The following CFAP52 variants were observed in gnomAD, a reference collection of about 807,000 sequenced individuals.
CFAP52 encodes cilia and flagella associated protein 52.
A neutral mutation model predicts 70.5 loss-of-function variants in CFAP52; 57 were observed. The observed-to-expected ratio is 0.81, with a 90% CI of 0.65 to 1.01. CFAP52 has a LOEUF of 1.01. Ranked by LOEUF, CFAP52 falls within the 50% of genes least tolerant of loss-of-function variation. CFAP52 has a pLI of 0.00. For missense variants in CFAP52, 785 were observed against 788.5 expected, an observed-to-expected ratio of 1.00 and a Z score of 0.05; for synonymous variants, 267 against 292.5, an observed-to-expected ratio of 0.91 and a Z score of 0.89.
chr17:9,594,965 A>G (rs1338034060), intron 4 of CFAP52, among the ~76,000 whole-genome samples: 1 of 137,866 alleles, frequency 7.3e-6, no homozygotes, highest in Non-Finnish European at 1.5e-5. Context: ...ATCTCAGCTC[A>G]CTGCAACCTC....
At position 9,643,236 on chromosome 17, in the gene CFAP52, A is replaced by C. The variant is rs1911171344; in HGVS notation, c.*38A>C. ...GTCTCTGAGCCTTGGCGTTGCACGC[A>C]GTCCTGTTGAAGACTGAGTTTAGAT... On this transcript the variant is annotated 3_prime_UTR_variant, in exon 14 of 14. Transcript: ENST00000352665. The C allele has an allele frequency of 6.7e-7, 1 of 1,494,818 alleles. No individual in the cohort carries two copies. The highest frequency in any genetic ancestry group is 2.1e-5 in the Admixed American group (1 of 48,566). The allele number at this position is 1,494,818 out of a possible 1,614,324, so 92.6% of individuals were successfully genotyped here. A position where few individuals can be genotyped will look rare whatever the true frequency, so the allele number is the denominator to read the frequency against.
intron 3 of CFAP52, 97 bp from the exon 4 acceptor site, chr17:9,594,096 G>T: frequency 6.9e-7 from 1 of 1,454,760 alleles, no homozygotes; most frequent in Non-Finnish European, 9.1e-7. Context: ...AACCTGTTGT[G>T]TTTTTTTCTT....
Position 9,636,233 on chromosome 17 carries a change from AAG to A in CFAP52, c.1472+679_1472+680del, listed in dbSNP as rs1293305442. The stretch of plus-strand genomic sequence containing the variant: ...AAAGAAAGAAAGAAAGAAAGAAAGA[AAG>A]AAAGAAAGAAAGAAAGAGAAAGAAA... On this transcript the variant is annotated intron_variant, in intron 11 of 13. Coordinates refer to ENST00000352665, the MANE Select transcript of CFAP52 (RefSeq NM_145054.5). Among the ~76,000 whole-genome samples, 75 of 148,912 alleles carry A rather than the reference AAG, an allele frequency of 5.0e-4. 2 individuals carry two copies. The highest frequency in any genetic ancestry group is 1.9e-3 in the African/African-American group (75 of 39,556).
intron 9 of CFAP52, among the ~76,000 whole-genome samples, chr17:9,630,232 C>T (rs1299355320): frequency 6.6e-6 from 1 of 151,614 alleles, no homozygotes; most frequent in Non-Finnish European, 1.5e-5. Context: ...TACTTTCCCG[C>T]AGTCTGTTTT....
chr17:9,613,665 G>A lies in CFAP52; in HGVS notation c.1025+1186G>A, dbSNP rs547980437. On this transcript the variant is annotated intron_variant, in intron 8 of 13. Transcript: ENST00000352665. Reference sequence around the variant, plus strand: ...CCTGAGTAGCTAGGATTACAGGCATGCACCACCACGCCCGGCTAATTTTTT... The same window carrying A: ...CCTGAGTAGCTAGGATTACAGGCATACACCACCACGCCCGGCTAATTTTTT... Among the ~76,000 whole-genome samples, 98 of 152,040 alleles carry A rather than the reference G, an allele frequency of 6.4e-4. 1 individual carries two copies. In the South Asian group the frequency reaches 0.02, roughly 31 times the overall value.
chr17:9,635,785 T>C (rs575031645), intron 11 of CFAP52, among the ~76,000 whole-genome samples: 1 of 152,272 alleles, frequency 6.6e-6, no homozygotes, highest in South Asian at 2.1e-4. Context: ...TCTGGGCAGA[T>C]AGGGAAATAG....
rs1022649622 is a variant in CFAP52 at position 9,576,649 on chromosome 17, G to A, written c.-47G>A. 5 of 1,544,594 alleles carry A rather than the reference G, an allele frequency of 3.2e-6. No individual in the cohort carries two copies. Among genetic ancestry groups the A allele is most frequent in the South Asian group, 2.4e-5 (2 of 84,662 alleles). On this transcript the variant is annotated 5_prime_UTR_variant, in exon 1 of 14. Transcript: ENST00000352665. The stretch of plus-strand genomic sequence containing the variant: ...TCCGTTACCATAACGACCAGAAGAC[G>A]CTGCAGCCACTAGGGAGGAGAGCAA...
Position 9,635,567 on chromosome 17 carries a change from G to A in CFAP52, c.1472+11G>A. On this transcript the variant is annotated intron_variant, in intron 11 of 13. Transcript: ENST00000352665. ...CATTTGGGACCTTGTGTAGGTACCT[G>A]TGATGGGGAGGATGCAGTGATACCT... is the stretch of plus-strand genomic sequence containing the variant. 1 of 1,614,114 alleles carries A rather than the reference G, an allele frequency of 6.2e-7. No homozygotes were observed.
chr17:9,619,288 A>G (rs199938332), intron 8 of CFAP52, among the ~76,000 whole-genome samples: 13 of 522 alleles, frequency 0.025, no homozygotes, highest in Admixed American at 0.05. Flanking sequence ...ACACTCTCCC[A>G]AGACTAAACC....
intron 4 of CFAP52, 30 bp downstream of exon 4, chr17:9,594,351 C>T (rs759787464): frequency 2.5e-6 from 4 of 1,600,258 alleles, no homozygotes; most frequent in East Asian, 4.5e-5. Context: ...GTTTTCAGAA[C>T]TCATAAATTG....
At chr17:9,615,271 T>A (rs117742036) in intron 8 of CFAP52, among the ~76,000 whole-genome samples, 1 of 152,236 alleles carries the variant, frequency 6.6e-6, no homozygotes, top group Non-Finnish European at 1.5e-5. Flanking sequence ...TTGTGTAATA[T>A]TCTGTTAGGT....
At chr17:9,641,665 T>A (rs926125931) in intron 12 of CFAP52, 59 bp from the exon 13 acceptor site, 19 of 1,248,410 alleles carry the variant, frequency 1.5e-5, no homozygotes, top group Non-Finnish European at 2.1e-5. Context: ...TTTGTTAGCA[T>A]GTGCATGGAT....
intron 6 of CFAP52, among the ~76,000 whole-genome samples, chr17:9,606,082 C>G (rs1276355632): frequency 6.6e-6 from 1 of 151,982 alleles, no homozygotes; most frequent in South Asian, 2.1e-4. Flanking sequence ...AAAAAAATAG[C>G]CTAGTAAAAA....
At chr17:9,642,044 A>C (rs558114060) in intron 13 of CFAP52, among the ~76,000 whole-genome samples, 1 of 152,324 alleles carries the variant, frequency 6.6e-6, no homozygotes, top group African/African-American at 2.4e-5. Flanking sequence ...TTTGCACAAG[A>C]GCCTTAAGAG....
Position 9,643,287 on chromosome 17 carries a change from C to A in CFAP52, c.*89C>A. ...AACTCCAACACTAGTCTTCATTTCT[C>A]ACAGCTCTGTTTTTGTTCTTGAGTC... On this transcript the variant is annotated 3_prime_UTR_variant, in exon 14 of 14. Transcript: ENST00000352665. 1 of 1,189,056 alleles carries A rather than the reference C, an allele frequency of 8.4e-7. No homozygotes were observed. Among genetic ancestry groups the A allele is most frequent in the South Asian group, 3.1e-5 (1 of 32,234 alleles). The allele number at this position is 1,189,056 out of a possible 1,614,324, so 73.7% of individuals were successfully genotyped here. A position where few individuals can be genotyped will look rare whatever the true frequency, so the allele number is the denominator to read the frequency against.
At chr17:9,598,500 G>T (rs911089995) in intron 5 of CFAP52, 167 bp downstream of exon 5, 7 of 502,256 alleles carry the variant, frequency 1.4e-5, no homozygotes, top group Non-Finnish European at 2.4e-5. Context: ...AGTGGCTCAC[G>T]CCTGTAATCC....
rs193248334 is a variant in CFAP52 at position 9,587,459 on chromosome 17, T to C, written c.407+625T>C. Among the ~76,000 whole-genome samples the C allele has an allele frequency of 3.9e-5, 6 of 152,320 alleles. No homozygotes were observed. In the East Asian group the frequency reaches 1.2e-3, roughly 29 times the overall value. ...GGAATCACCACCCTGCTTTCCACAA[T>C]GGTTCAACTAATCTACTCTCCCACC... On this transcript the variant is annotated intron_variant, in intron 3 of 13. Coordinates refer to ENST00000352665, the MANE Select transcript of CFAP52 (RefSeq NM_145054.5).
At chr17:9,591,053 T>G (rs1037224842) in intron 3 of CFAP52, among the ~76,000 whole-genome samples, 4 of 148,572 alleles carry the variant, frequency 2.7e-5, no homozygotes, top group African/African-American at 7.5e-5. Flanking sequence ...TTTTTTTTTT[T>G]TGAGATGGAG....
At chr17:9,605,766 G>A (rs1032496722) in intron 6 of CFAP52, among the ~76,000 whole-genome samples, 1 of 151,008 alleles carries the variant, frequency 6.6e-6, no homozygotes, top group Non-Finnish European at 1.5e-5. Context: ...GAGTGAATGG[G>A]TAAAGCACAG....
Sources: allele counts gnomAD v4.1 joint callset (sites outside exome capture counted in the v4.1 genomes callset), GRCh38; gene constraint gnomAD v4.1.1; transcripts MANE v1.5; gene names NCBI Gene and HGNC (gene_info 2026-07-23, HGNC 2026-07-21).